Variants in ACOXL observed in about 807,000 individuals in gnomAD.
ACOXL encodes the protein acyl-CoA oxidase like, also known as acyl-coenzyme A oxidase-like protein.
ACOXL carries 70 observed loss-of-function variants against 71.9 expected under a neutral mutation model. That is an observed-to-expected ratio of 0.97 (90% confidence interval 0.80 to 1.19). The LOEUF is 1.19. Among genes scored for constraint, ACOXL ranks in the 50% most tolerant of loss-of-function variants. ACOXL has a pLI of 0.00. For missense variants in ACOXL, 703 were observed against 736.3 expected, an observed-to-expected ratio of 0.95 and a Z score of 0.52; for synonymous variants, 253 against 281.6, an observed-to-expected ratio of 0.90 and a Z score of 1.02.
At chr2:111,084,843 C>T (rs555719339) in intron 16 of ACOXL, among the ~76,000 whole-genome samples, 1 of 151,132 alleles carries the variant, frequency 6.6e-6, no homozygotes, top group South Asian at 2.1e-4. Flanking sequence ...TGCAATGACA[C>T]CCATAGGCTC....
chr2:110,826,855 A>G (rs1325973239), intron 9 of ACOXL, among the ~76,000 whole-genome samples: 2 of 143,544 alleles, frequency 1.4e-5, no homozygotes, highest in Non-Finnish European at 3.0e-5. Flanking sequence ...CTTTTAGTGT[A>G]CAGTTCACCT....
chr2:111,099,278 A>G (rs973106357), intron 17 of ACOXL: 5 of 152,250 alleles, frequency 3.3e-5, no homozygotes, highest in Admixed American at 3.3e-4. Context: ...AATCCCCCAC[A>G]GTCCTTCAAA....
At chr2:110,758,872 C>G (rs528364559) in intron 1 of ACOXL, among the ~76,000 whole-genome samples, 1 of 152,234 alleles carries the variant, frequency 6.6e-6, no homozygotes, top group African/African-American at 2.4e-5. Context: ...TCTGGTACAT[C>G]ATTTCTTTGT....
chr2:111,072,567 A>G lies in ACOXL; in HGVS notation c.1441-20298A>G, dbSNP rs76223681. On this transcript the variant is annotated intron_variant, in intron 16 of 17. Transcript: ENST00000439055. ...TATAAGTATTCATGTACAGATTATT[A>G]TGTGAACATAAATCTTCATTTCTCA... is the stretch of plus-strand genomic sequence containing the variant. Among the ~76,000 whole-genome samples the G allele has an allele frequency of 4.5e-3, 684 of 152,348 alleles. 11 individuals are homozygous for G. In the East Asian group the frequency reaches 0.047, roughly 10 times the overall value.
At chr2:111,093,431 A>G in intron 17 of ACOXL, 1 of 1,612,736 alleles carries the variant, frequency 6.2e-7, no homozygotes, top group South Asian at 1.1e-5. Context: ...AAGAAAAAGA[A>G]TGTGAAACAG....
intron 12 of ACOXL, chr2:110,963,704 T>C (rs757003477): frequency 6.2e-7 from 1 of 1,613,998 alleles, no homozygotes; most frequent in Non-Finnish European, 8.5e-7. Flanking sequence ...ACGATGTTGT[T>C]ATGCTTCAGG....
chr2:110,783,212 T>C (rs1318535541), intron 2 of ACOXL, among the ~76,000 whole-genome samples: 1 of 152,172 alleles, frequency 6.6e-6, no homozygotes, highest in Non-Finnish European at 1.5e-5. Context: ...TAGCCTCCCG[T>C]GTAGGGTTGT....
At chr2:110,748,883 G>T (rs533866639) in intron 1 of ACOXL, among the ~76,000 whole-genome samples, 1 of 152,194 alleles carries the variant, frequency 6.6e-6, no homozygotes, top group South Asian at 2.1e-4. Flanking sequence ...TATTCTTGCC[G>T]TTTTCAACAA....
intron 12 of ACOXL, among the ~76,000 whole-genome samples, chr2:110,969,410 T>C (rs2062077786): frequency 6.6e-6 from 1 of 151,946 alleles, no homozygotes. Context: ...ATCAACAAAG[T>C]TGATAACACT....
At chr2:111,090,252 CA>C in intron 16 of ACOXL, among the ~76,000 whole-genome samples, 1 of 152,240 alleles carries the variant, frequency 6.6e-6, no homozygotes, top group Middle Eastern at 3.4e-3. Flanking sequence ...TCCATAAATT[CA>C]TATTCCATAT....
At chr2:110,973,671 G>A (rs1198214882) in intron 12 of ACOXL, among the ~76,000 whole-genome samples, 2 of 152,202 alleles carry the variant, frequency 1.3e-5, no homozygotes, top group African/African-American at 4.8e-5. Flanking sequence ...ACAGCTGGAG[G>A]TGGGGTTGTT....
intron 2 of ACOXL, among the ~76,000 whole-genome samples, chr2:110,771,109 C>T (rs775052205): frequency 2.6e-5 from 4 of 152,130 alleles, no homozygotes; most frequent in Non-Finnish European, 5.9e-5. Flanking sequence ...TGAATTATCT[C>T]GGCCTGTTTG....
intron 13 of ACOXL, among the ~76,000 whole-genome samples, chr2:110,995,298 A>G (rs1378733100): frequency 1.3e-5 from 2 of 151,248 alleles, no homozygotes; most frequent in African/African-American, 2.4e-5. Context: ...TCAGCAGTTC[A>G]AGACCAGCCT....
intron 1 of ACOXL, among the ~76,000 whole-genome samples, chr2:110,764,624 T>A (rs1680812523): frequency 6.6e-6 from 1 of 152,174 alleles, no homozygotes; most frequent in African/African-American, 2.4e-5. Flanking sequence ...ATTCCAAGAA[T>A]GAACCCTAAT....
chr2:110,736,508 C>T (rs2104650153), intron 1 of ACOXL, among the ~76,000 whole-genome samples: 1 of 152,298 alleles, frequency 6.6e-6, no homozygotes, highest in East Asian at 1.9e-4. Context: ...GCTTACTTCA[C>T]TCAGTATAAT....
At chr2:111,107,769 T>A (rs2069649463) in intron 17 of ACOXL, among the ~76,000 whole-genome samples, 3 of 152,248 alleles carry the variant, frequency 2.0e-5, no homozygotes. Flanking sequence ...ATTACAGGCG[T>A]GAGTCACCAC....
At chr2:110,999,303 C>T (rs1206393094) in intron 14 of ACOXL, among the ~76,000 whole-genome samples, 1 of 152,174 alleles carries the variant, frequency 6.6e-6, no homozygotes, top group Non-Finnish European at 1.5e-5. Context: ...TCTACAGCTT[C>T]ATTTTAACTG....
chr2:111,058,046 C>A (rs1035412735), intron 16 of ACOXL, among the ~76,000 whole-genome samples: 2 of 152,126 alleles, frequency 1.3e-5, no homozygotes, highest in African/African-American at 4.8e-5. Context: ...GCTCTGGGGG[C>A]AGATTTCATT....
intron 12 of ACOXL, among the ~76,000 whole-genome samples, chr2:110,986,885 T>C (rs2062957831): frequency 6.6e-6 from 1 of 151,890 alleles, no homozygotes; most frequent in African/African-American, 2.4e-5. Flanking sequence ...GAGCAAGCAA[T>C]AAGTAGTTAA....
Sources: gnomAD v4.1 joint callset for allele counts (sites outside exome capture counted in the v4.1 genomes callset) on GRCh38, gnomAD v4.1.1 for gene constraint, MANE v1.5 for transcripts, NCBI Gene and HGNC (gene_info 2026-07-23, HGNC 2026-07-21) for gene names.